AP1S3: variants seen among roughly 807,000 people sequenced by gnomAD.
The protein encoded by AP1S3 is adaptor related protein complex 1 subunit sigma 3.
AP1S3 carries 10 observed loss-of-function variants against 20.9 expected under a neutral mutation model. The observed-to-expected ratio is 0.48, with a 90% confidence interval of 0.29 to 0.81. The LOEUF (loss-of-function observed/expected upper bound fraction) is 0.81. AP1S3 is among the 30% of genes least tolerant of loss of function. The pLI is 0.08. For missense variants in AP1S3, 154 were observed against 183.8 expected (o/e 0.84, Z 0.94); for synonymous variants, 41 against 61.5 (o/e 0.67, Z 1.56).
rs897539622 is a variant in AP1S3 at position 223,756,340 on chromosome 2, A to C, written c.*2375T>G. 7 of 268,498 alleles carry C rather than the reference A, an allele frequency of 2.6e-5. No homozygotes were observed. Among genetic ancestry groups the C allele is most frequent in the Admixed American group, 1.3e-4 (2 of 15,268 alleles). 16.6% of individuals were successfully genotyped at this position (268,498 alleles called of 1,614,324 possible). On this transcript the variant is annotated 3_prime_UTR_variant, in exon 5 of 5. Transcript: ENST00000396654. ...TGACAAGAAGCGAGGAAAGAAAAGA[A>C]AGAAAAGAAAAGAAAAGAGAAAAAG...
chr2:223,836,978 C>A (rs77576147), intron 1 of AP1S3, among the ~76,000 whole-genome samples: 3,067 of 152,132 alleles, frequency 0.02, 55 homozygotes, highest in East Asian at 0.075. Context: ...AGAGGCTTTG[C>A]CAAATCAAAA....
At position 223,777,845 on chromosome 2, in the gene AP1S3, G is replaced by T. The variant is rs1372202707; in HGVS notation, c.28C>A (p.Arg10=). The T allele has an allele frequency of 3.7e-6, 6 of 1,613,524 alleles. No homozygotes were observed. Among genetic ancestry groups the T allele is most frequent in the Admixed American group, 1.7e-5 (1 of 59,928 alleles). Residue 10 remains arginine, a synonymous_variant, in exon 2 of 5, where the codon CGA becomes AGA. Coordinates refer to ENST00000396654, the MANE Select transcript of AP1S3 (RefSeq NM_001039569.2). ...TTCTGTAGCCGTAATTTCCCTTGTC[G>T]ACTGAAGAGCAATATGAAATGTATC... MIHFILLFS[R]QGKLRLQKWY...
intron 3 of AP1S3, 122 bp from the exon 4 acceptor site, chr2:223,765,472 G>A: frequency 1.0e-6 from 1 of 989,716 alleles, no homozygotes; most frequent in Non-Finnish European, 1.4e-6. Context: ...AATATCAGAT[G>A]GCATTTTAAG....
chr2:223,804,227 G>A (rs1691530080), intron 1 of AP1S3, among the ~76,000 whole-genome samples: 1 of 152,134 alleles, frequency 6.6e-6, no homozygotes, highest in African/African-American at 2.4e-5. Flanking sequence ...GGCAGTGGCT[G>A]AGCACAGATC....
chr2:223,820,608 A>G (rs549216124), intron 1 of AP1S3, among the ~76,000 whole-genome samples: 2 of 149,096 alleles, frequency 1.3e-5, no homozygotes, highest in East Asian at 3.9e-4. Flanking sequence ...AGCAGCACCT[A>G]TTACTTTATT....
intron 1 of AP1S3, among the ~76,000 whole-genome samples, chr2:223,807,719 G>T (rs1483705551): frequency 6.6e-6 from 1 of 151,898 alleles, no homozygotes; most frequent in African/African-American, 2.4e-5. Flanking sequence ...CACATAAGAT[G>T]TCTGGCTCTC....
At chr2:223,828,135 T>C (rs1247122716) in intron 1 of AP1S3, among the ~76,000 whole-genome samples, 1 of 149,938 alleles carries the variant, frequency 6.7e-6, no homozygotes, top group Non-Finnish European at 1.5e-5. Flanking sequence ...GGCTAGCATT[T>C]ATGAAATATG....
chr2:223,771,784 A>C (rs907792211), intron 3 of AP1S3, among the ~76,000 whole-genome samples: 3 of 152,240 alleles, frequency 2.0e-5, no homozygotes, highest in African/African-American at 7.2e-5. Flanking sequence ...AATAATAGTA[A>C]ACTATATAAC....
intron 1 of AP1S3, among the ~76,000 whole-genome samples, chr2:223,802,270 C>T (rs1477710851): frequency 5.3e-5 from 8 of 151,400 alleles, no homozygotes; most frequent in Admixed American, 5.3e-4. Context: ...ATCTGCTGGG[C>T]TTTCTTCCTT....
chr2:223,770,878 C>A (rs1229607903), intron 3 of AP1S3, among the ~76,000 whole-genome samples: 1 of 151,884 alleles, frequency 6.6e-6, no homozygotes, highest in Non-Finnish European at 1.5e-5. Context: ...CAGGCATATG[C>A]CACCATGCCT....
chr2:223,821,715 A>G (rs1300208945), intron 1 of AP1S3, among the ~76,000 whole-genome samples: 2 of 152,192 alleles, frequency 1.3e-5, no homozygotes, highest in African/African-American at 2.4e-5. Flanking sequence ...CCCATCTTCC[A>G]GCCACACCTG....
chr2:223,816,325 C>G (rs1359641361), intron 1 of AP1S3, among the ~76,000 whole-genome samples: 1 of 131,694 alleles, frequency 7.6e-6, no homozygotes, highest in East Asian at 2.2e-4. Context: ...TCCTTCCTTC[C>G]TCCCCCATGC....
intron 1 of AP1S3, among the ~76,000 whole-genome samples, chr2:223,790,865 C>G (rs780832882): frequency 1.8e-4 from 27 of 152,106 alleles, no homozygotes; most frequent in Non-Finnish European, 2.4e-4. Context: ...AGAAATACAA[C>G]TAACCATCAG....
At position 223,777,816 on chromosome 2, in the gene AP1S3, C is replaced by T; in HGVS notation, c.57G>A (p.Trp19Ter). The change falls in exon 2 of 5, where the codon TGG (tryptophan) becomes TGA (stop). Residue 19 changes from tryptophan (W) to a stop codon, truncating the protein, a stop_gained. Coordinates refer to ENST00000396654, the MANE Select transcript of AP1S3 (RefSeq NM_001039569.2). LOFTEE classifies it high-confidence loss of function. ...SRQGKLRLQK[W>*]YITLPDKERK... ...TCTCTTTATCAGGGAGAGTGATGTACCATTTCTGTAGCCGTAATTTCCCTT... is the reference window on the plus strand; with the variant it reads ...TCTCTTTATCAGGGAGAGTGATGTATCATTTCTGTAGCCGTAATTTCCCTT... 6.2e-7 allele frequency: 1 copy of T among 1,614,084 alleles called. No homozygotes were observed. Among genetic ancestry groups the T allele is most frequent in the Non-Finnish European group, 8.5e-7 (1 of 1,180,006 alleles).
At chr2:223,782,868 A>T (rs941191168) in intron 1 of AP1S3, among the ~76,000 whole-genome samples, 1 of 152,198 alleles carries the variant, frequency 6.6e-6, no homozygotes, top group Non-Finnish European at 1.5e-5. Flanking sequence ...TTAATGAGGT[A>T]GCTGGAACAA....
chr2:223,803,884 A>G (rs1481872735), intron 1 of AP1S3, among the ~76,000 whole-genome samples: 1 of 151,922 alleles, frequency 6.6e-6, no homozygotes, highest in Non-Finnish European at 1.5e-5. Context: ...CGTCTCAAAA[A>G]AAAAAAAAAA....
intron 4 of AP1S3, among the ~76,000 whole-genome samples, chr2:223,761,029 G>A (rs535813507): frequency 6.6e-6 from 1 of 152,158 alleles, no homozygotes; most frequent in African/African-American, 2.4e-5. Context: ...GACTCAGTCT[G>A]CTAAACACCA....
At chr2:223,792,558 C>T (rs1457776433) in intron 1 of AP1S3, among the ~76,000 whole-genome samples, 1 of 151,970 alleles carries the variant, frequency 6.6e-6, no homozygotes, top group Non-Finnish European at 1.5e-5. Flanking sequence ...TTCCTTATAC[C>T]ATATAAAAAA....
intron 1 of AP1S3, among the ~76,000 whole-genome samples, chr2:223,815,927 C>A (rs1327990755): frequency 1.3e-5 from 2 of 152,084 alleles, no homozygotes; most frequent in Non-Finnish European, 2.9e-5. Flanking sequence ...CTGGGCAACA[C>A]AGTGAAACCA....
Sources: gnomAD v4.1 joint callset for allele counts (sites outside exome capture counted in the v4.1 genomes callset) on GRCh38, gnomAD v4.1.1 for gene constraint, MANE v1.5 for transcripts, NCBI Gene and HGNC (gene_info 2026-07-23, HGNC 2026-07-21) for gene names.